Variants in DOCK7 observed in about 807,000 individuals in gnomAD.
DOCK7 encodes the protein dedicator of cytokinesis protein 7.
DOCK7 carries 138 observed loss-of-function variants against 271.0 expected under a neutral mutation model. That is an observed-to-expected ratio of 0.51 (90% CI 0.44 to 0.59). The LOEUF (loss-of-function observed/expected upper bound fraction) is 0.59. Ranked by LOEUF, DOCK7 falls within the 20% of genes least tolerant of loss-of-function variation. DOCK7 has a pLI of 0.00. For missense variants in DOCK7, 2,066 were observed against 2,592.4 expected, an observed-to-expected ratio of 0.80 and a Z score of 4.41; for synonymous variants, 823 against 876.1, an observed-to-expected ratio of 0.94 and a Z score of 1.07.
intron 1 of DOCK7, among the ~76,000 whole-genome samples, chr1:62,681,605 G>A (rs1661173891): frequency 6.6e-6 from 1 of 151,414 alleles, no homozygotes; most frequent in South Asian, 2.1e-4. Flanking sequence ...AAATTGCAAG[G>A]GTGGCTATAC....
At chr1:62,621,459 G>GTT in intron 12 of DOCK7, among the ~76,000 whole-genome samples, 1 of 151,838 alleles carries the variant, frequency 6.6e-6, no homozygotes, top group Non-Finnish European at 1.5e-5. Context: ...ATTGTTTTAT[G>GTT]CATATTTCAT....
chr1:62,674,008 A>G (rs947735901), intron 1 of DOCK7, among the ~76,000 whole-genome samples: 9 of 152,034 alleles, frequency 5.9e-5, no homozygotes. Flanking sequence ...AAAGGAAGAA[A>G]TAAAACTGTC....
chr1:62,472,622 C>G (rs1206528880), intron 48 of DOCK7, among the ~76,000 whole-genome samples: 1 of 152,212 alleles, frequency 6.6e-6, no homozygotes, highest in East Asian at 1.9e-4. Flanking sequence ...GAAGTATGTA[C>G]TGTTCCATAA....
At chr1:62,648,858 T>C (rs1192136861) in intron 4 of DOCK7, among the ~76,000 whole-genome samples, 2 of 152,048 alleles carry the variant, frequency 1.3e-5, no homozygotes, top group Non-Finnish European at 2.9e-5. Flanking sequence ...GCCAGTAACT[T>C]GGGTTAAAGA....
In DOCK7 at chr1:62,542,721, CAA is replaced by C. The variant is rs768307263; in HGVS notation, c.2950-20_2950-19del. On this transcript the variant is annotated intron_variant, in intron 24 of 49. Transcript: ENST00000635253. ...TGAAAAAGCTATCCAGAAGTAAATC[CAA>C]AGTTATTATCAAAGTCAAATCTGCT... is the stretch of plus-strand genomic sequence containing the variant. 2 of 1,606,098 alleles carry C rather than the reference CAA, an allele frequency of 1.2e-6. No individual in the cohort carries two copies. Among genetic ancestry groups the C allele is most frequent in the South Asian group, 2.2e-5 (2 of 89,654 alleles).
chr1:62,613,922 G>T (rs1652120881), intron 14 of DOCK7, among the ~76,000 whole-genome samples: 1 of 151,906 alleles, frequency 6.6e-6, no homozygotes. Context: ...TATAAAATAG[G>T]GATAACCACA....
intron 6 of DOCK7, 45 bp from the exon 7 acceptor site, chr1:62,647,821 TC>T: frequency 7.4e-7 from 1 of 1,352,548 alleles, no homozygotes; most frequent in Non-Finnish European, 1.0e-6. Flanking sequence ...CTTATCATAT[TC>T]CAACTCTTTA....
intron 43 of DOCK7, chr1:62,485,237 G>A: frequency 3.0e-6 from 3 of 985,324 alleles, no homozygotes; most frequent in Non-Finnish European, 3.6e-6. Context: ...TTAAAGAACT[G>A]AAACTACCAG....
Position 62,688,252 on chromosome 1 carries a change from G to T in DOCK7, c.13C>A (p.Arg5Ser). ...CTGCTGATCTTCTGGGCGAAGGCGC[G>T]GCGCTCGGCCATGGCTGCTGCGGCG... MAERRAFAQKISRTV... is the reference protein window; with the variant it reads MAERSAFAQKISRTV... Residue 5 changes from arginine to serine, a missense_variant, in exon 1 of 50, where the codon CGC (arginine) becomes AGC (serine). Arg to Ser is a moderately radical substitution (Grantham distance 110). This residue lies in a region of DOCK7 where 1,414 missense variants were observed against 1,670.4 expected (regional missense o/e 0.85). Transcript: ENST00000635253. 7.3e-7 allele frequency: 1 copy of T among 1,364,188 alleles called. No homozygotes were observed. Among genetic ancestry groups the T allele is most frequent in the Non-Finnish European group, 9.6e-7 (1 of 1,044,596 alleles). The allele number at this position is 1,364,188 out of a possible 1,614,324, so 84.5% of individuals were successfully genotyped here.
At chr1:62,673,191 A>G (rs896812891) in intron 1 of DOCK7, among the ~76,000 whole-genome samples, 4 of 152,184 alleles carry the variant, frequency 2.6e-5, no homozygotes, top group African/African-American at 9.7e-5. Flanking sequence ...AACCAAAAAG[A>G]AACAGTCCTT....
intron 49 of DOCK7, among the ~76,000 whole-genome samples, chr1:62,456,072 T>G (rs1645339568): frequency 1.3e-5 from 2 of 152,198 alleles, no homozygotes; most frequent in South Asian, 4.1e-4. Flanking sequence ...CACATGTGCT[T>G]CTATAGTCAA....
chr1:62,474,557 C>T (rs1158968311), intron 47 of DOCK7, among the ~76,000 whole-genome samples: 3 of 151,880 alleles, frequency 2.0e-5, no homozygotes, highest in South Asian at 2.1e-4. Context: ...ACCTTAAAAT[C>T]GTGCATGTTT....
chr1:62,457,813 A>G (rs1645391088), intron 48 of DOCK7, 108 bp from the exon 49 acceptor site: 1 of 1,024,822 alleles, frequency 9.8e-7, no homozygotes, highest in Non-Finnish European at 1.5e-6. Context: ...TTAATGACAC[A>G]CAACACAGAC....
Position 62,618,725 on chromosome 1 carries a change from C to T in DOCK7, c.1663G>A (p.Val555Ile), listed in dbSNP as rs1311579722. ...ILEFPARDVY[V>I]PNTTYRNLLY... ...TCTTACCTGTAAGTAGTGTTTGGAA[C>T]ATAAACATCCCTTGCGGGAAACTCT... Residue 555 changes from valine (V) to isoleucine (I), a missense_variant, in exon 14 of 50, where the codon GTT becomes ATT. Physicochemically the swap from Val to Ile is conservative, Grantham distance 29. Around this residue, in one of 2 missense-constraint regions of DOCK7, gnomAD observed 1,414 missense variants for 1,670.4 expected, o/e 0.85. Coordinates refer to ENST00000635253, the MANE Select transcript of DOCK7 (RefSeq NM_001367561.1). The T allele has an allele frequency of 2.5e-6, 4 of 1,613,354 alleles. No individual in the cohort carries two copies. Among genetic ancestry groups the T allele is most frequent in the Non-Finnish European group, 3.4e-6 (4 of 1,179,422 alleles).
chr1:62,494,009 G>A (rs1479498987), intron 40 of DOCK7, among the ~76,000 whole-genome samples: 1 of 152,114 alleles, frequency 6.6e-6, no homozygotes, highest in African/African-American at 2.4e-5. Context: ...AGTATGTAAC[G>A]GATTACAAGG....
chr1:62,550,432 A>C (rs1645858406), intron 22 of DOCK7, among the ~76,000 whole-genome samples: 1 of 152,148 alleles, frequency 6.6e-6, no homozygotes, highest in Non-Finnish European at 1.5e-5. Flanking sequence ...AAATGAGAAA[A>C]GGAATGAGGG....
chr1:62,472,791 C>T (rs867627774), intron 48 of DOCK7, among the ~76,000 whole-genome samples: 4 of 152,318 alleles, frequency 2.6e-5, no homozygotes, highest in Admixed American at 6.5e-5. Context: ...TGCTTTCCTT[C>T]TGAGAGTCTA....
chr1:62,600,032 A>C, intron 14 of DOCK7, among the ~76,000 whole-genome samples: 1 of 151,970 alleles, frequency 6.6e-6, no homozygotes, highest in Non-Finnish European at 1.5e-5. Context: ...CTAAACAAAC[A>C]TAATGTTAGT....
chr1:62,597,844 A>G, intron 14 of DOCK7: 1 of 1,604,694 alleles, frequency 6.2e-7, no homozygotes, highest in Non-Finnish European at 8.5e-7. Flanking sequence ...AGTGAAATCA[A>G]AGAAGAAGAA....
Sources: allele counts gnomAD v4.1 joint callset (sites outside exome capture counted in the v4.1 genomes callset), GRCh38; gene constraint gnomAD v4.1.1; regional missense constraint gnomAD v4.1.1; transcripts MANE v1.5; gene names NCBI Gene and HGNC (gene_info 2026-07-23, HGNC 2026-07-21).